The following TRPM4 variants were observed in gnomAD, a reference collection of about 807,000 sequenced individuals.
TRPM4 encodes calcium-activated non-selective cation channel 1.
In TRPM4, 124 loss-of-function variants were observed where a neutral mutation model predicts 135.6. The observed-to-expected ratio is 0.91, with a 90% CI of 0.79 to 1.06. TRPM4 has a LOEUF of 1.06. Ranked by LOEUF, TRPM4 falls within the 50% of genes least tolerant of loss-of-function variation. TRPM4 has a pLI of 0.00. For missense variants in TRPM4, 1,658 were observed against 1,671.4 expected (o/e 0.99, Z 0.14); for synonymous variants, 745 against 705.6 (o/e 1.06, Z -0.88).
intron 3 of TRPM4, among the ~76,000 whole-genome samples, chr19:49,167,152 G>A (rs1967229207): frequency 7.4e-6 from 1 of 134,954 alleles, no homozygotes; most frequent in Non-Finnish European, 1.6e-5. Context: ...CTGGGTCTCT[G>A]TCGCCATCTC....
chr19:49,189,956 G>A (rs758052152), intron 14 of TRPM4, among the ~76,000 whole-genome samples: 8 of 152,144 alleles, frequency 5.3e-5, no homozygotes, highest in Non-Finnish European at 8.8e-5. Flanking sequence ...TCAAGGGTTC[G>A]GTGGACTAAT....
At chr19:49,179,689 T>C (rs578056981) in intron 9 of TRPM4, among the ~76,000 whole-genome samples, 172 of 152,348 alleles carry the variant, frequency 1.1e-3, no homozygotes, top group Non-Finnish European at 2.1e-3. Context: ...TTTCCTTCTT[T>C]TGAAACTGTG....
At chr19:49,179,877 C>T (rs1019105549) in intron 9 of TRPM4, among the ~76,000 whole-genome samples, 5 of 152,170 alleles carry the variant, frequency 3.3e-5, no homozygotes, top group African/African-American at 9.7e-5. Context: ...GCTGTAGTGT[C>T]GCCACAGCGT....
chr19:49,180,516 G>A (rs1252776178), intron 9 of TRPM4, among the ~76,000 whole-genome samples: 1 of 149,954 alleles, frequency 6.7e-6, no homozygotes, highest in East Asian at 2.0e-4. Flanking sequence ...CTGCTGCTTT[G>A]AACGCCCTTT....
chr19:49,193,271 T>C (rs1017797910), intron 16 of TRPM4, among the ~76,000 whole-genome samples: 2 of 152,118 alleles, frequency 1.3e-5, no homozygotes, highest in Non-Finnish European at 2.9e-5. Context: ...TTAGTAGAGC[T>C]GGGGTTTCCC....
chr19:49,205,401 C>A (rs1325324481), intron 20 of TRPM4, among the ~76,000 whole-genome samples: 2 of 151,980 alleles, frequency 1.3e-5, no homozygotes, highest in Non-Finnish European at 2.9e-5. Flanking sequence ...GATTAGGGAC[C>A]ATGCTAATAA....
chr19:49,171,467 C>A lies in TRPM4; in HGVS notation c.858+49C>A, dbSNP rs748060223. On this transcript the variant is annotated intron_variant, in intron 7 of 24. Transcript: ENST00000252826. This position sits in a 1 kb window ranked among gnomAD's most constrained non-coding sequence, Gnocchi z 4.7. Reference sequence around the variant, plus strand: ...TCTAAGGGGGAAGGAGGGTTGGGGGCCAGGACTCCTGGGTCCTGAGTCTTA... The same window carrying A: ...TCTAAGGGGGAAGGAGGGTTGGGGGACAGGACTCCTGGGTCCTGAGTCTTA... 3.1e-6 allele frequency: 5 copies of A among 1,612,150 alleles called. No individual in the cohort carries two copies. In the African/African-American group the frequency reaches 6.7e-5, roughly 22 times the overall value.
chr19:49,192,907 T>G (rs1968464030), intron 16 of TRPM4, among the ~76,000 whole-genome samples: 1 of 152,092 alleles, frequency 6.6e-6, no homozygotes, highest in Non-Finnish European at 1.5e-5. Flanking sequence ...TTTGGACCAC[T>G]GAGAAAGGTT....
chr19:49,186,697 C>A (rs1968208075), intron 12 of TRPM4, among the ~76,000 whole-genome samples: 1 of 151,974 alleles, frequency 6.6e-6, no homozygotes, highest in Non-Finnish European at 1.5e-5. Context: ...CATGGAGAAA[C>A]CCTATCTCTA....
At chr19:49,164,931 A>G (rs1967116494) in intron 2 of TRPM4, among the ~76,000 whole-genome samples, 1 of 150,586 alleles carries the variant, frequency 6.6e-6, no homozygotes, top group Non-Finnish European at 1.5e-5. Context: ...ATTTTTAGAG[A>G]CAGGGTCTGA....
rs187275359 is a variant in TRPM4 at position 49,174,500 on chromosome 19, C to T, written c.1150+2392C>T. Among the ~76,000 whole-genome samples the T allele has an allele frequency of 1.6e-3, 236 of 151,912 alleles. 1 individual carries two copies. The highest frequency in any genetic ancestry group is 6.7e-3 in the South Asian group (32 of 4,810). On this transcript the variant is annotated intron_variant, in intron 9 of 24. Transcript: ENST00000252826. The stretch of plus-strand genomic sequence containing the variant: ...CCTTGGCCAGGCACAGTGGCTCACA[C>T]GTGTAATTTCAGCACTTTGGGAGGC...
At chr19:49,201,381 A>G (rs1968928810) in intron 19 of TRPM4, among the ~76,000 whole-genome samples, 1 of 152,240 alleles carries the variant, frequency 6.6e-6, no homozygotes, top group Non-Finnish European at 1.5e-5. Context: ...AGGAAGAGGA[A>G]CAGGCTATGA....
chr19:49,173,682 G>C (rs1272176735), intron 9 of TRPM4, among the ~76,000 whole-genome samples: 2 of 152,098 alleles, frequency 1.3e-5, no homozygotes, highest in Non-Finnish European at 2.9e-5. Context: ...TATTGAGACA[G>C]GGTCTTGCTC....
At chr19:49,187,103 A>T (rs1968225023) in intron 12 of TRPM4, among the ~76,000 whole-genome samples, 1 of 152,000 alleles carries the variant, frequency 6.6e-6, no homozygotes, top group Non-Finnish European at 1.5e-5. Flanking sequence ...GTTGCCACTG[A>T]ACTGGGGAGC....
At position 49,211,246 on chromosome 19, in the gene TRPM4, C is replaced by T. The variant is rs1370376515; in HGVS notation, c.3617C>T (p.Pro1206Leu). 2 of 1,587,096 alleles carry T rather than the reference C, an allele frequency of 1.3e-6. No individual in the cohort carries two copies. Among genetic ancestry groups the T allele is most frequent in the Non-Finnish European group, 1.7e-6 (2 of 1,167,482 alleles). ...SALLPPGGPPPPDLPGSKD is the reference protein window; with the variant it reads ...SALLPPGGPPLPDLPGSKD ...TTGCTGCCCCCAGGTGGGCCGCCAC[C>T]CCCTGACCTGCCTGGGTCCAAAGGT... Residue 1206 changes from proline (P) to leucine (L), a missense_variant, in exon 24 of 25, where the codon CCC becomes CTC. By Grantham distance (98) the Pro-to-Leu change is moderately conservative. Around this residue, in one of 3 missense-constraint regions of TRPM4, gnomAD observed 1,412 missense variants for 1,408.7 expected, o/e 1.00. Transcript: ENST00000252826. This position sits in a 1 kb window ranked among gnomAD's most constrained non-coding sequence, Gnocchi z 4.8.
chr19:49,172,191 C>T (rs1967491218), intron 9 of TRPM4, 83 bp downstream of exon 9: 1 of 1,081,330 alleles, frequency 9.2e-7, no homozygotes, highest in Admixed American at 1.8e-5. Flanking sequence ...CATCCACCCT[C>T]TCTAATCCAA....
At position 49,183,135 on chromosome 19, in the gene TRPM4, C is replaced by T; in HGVS notation, c.1666C>T (p.Gln556Ter). The T allele has an allele frequency of 1.2e-6, 2 of 1,613,976 alleles. No homozygotes were observed. The highest frequency in any genetic ancestry group is 1.7e-6 in the Non-Finnish European group (2 of 1,180,020). ...SPLSLDAGLGQAPWSDLLLWA... is the reference protein window; with the variant it reads ...SPLSLDAGLG ...GCTCTCGCTGGATGCTGGCCTCGGG[C>T]AGGCCCCCTGGAGCGACCTGCTTCT... is the stretch of plus-strand genomic sequence containing the variant. Residue 556 changes from glutamine (Q) to a stop codon, truncating the protein, a stop_gained, in exon 12 of 25, where the codon CAG becomes TAG. Transcript: ENST00000252826. LOFTEE classifies it high-confidence loss of function.
At chr19:49,188,462 T>C (rs1205962308) in intron 12 of TRPM4, among the ~76,000 whole-genome samples, 179 bp from the exon 13 acceptor site, 1 of 152,236 alleles carries the variant, frequency 6.6e-6, no homozygotes, top group Non-Finnish European at 1.5e-5. Flanking sequence ...ACCTGACTTC[T>C]GGCATTTTCA....
At chr19:49,203,353 G>A (rs1047307737) in intron 20 of TRPM4, among the ~76,000 whole-genome samples, 1 of 151,382 alleles carries the variant, frequency 6.6e-6, no homozygotes, top group African/African-American at 2.4e-5. Context: ...CTAATTTTTT[G>A]TATTTTTAGT....
Sources: allele counts gnomAD v4.1 joint callset (sites outside exome capture counted in the v4.1 genomes callset), GRCh38; gene constraint gnomAD v4.1.1; regional missense constraint gnomAD v4.1.1; non-coding constraint Gnocchi (gnomAD v3.1); transcripts MANE v1.5; gene names NCBI Gene and HGNC (gene_info 2026-07-23, HGNC 2026-07-21).